The following ZNRF3 variants were observed in gnomAD, a reference collection of about 807,000 sequenced individuals.
ZNRF3 encodes the protein zinc and ring finger 3.
A neutral mutation model predicts 72.5 loss-of-function variants in ZNRF3; 23 were observed. The observed-to-expected ratio is 0.32, with a 90% CI of 0.23 to 0.45. The LOEUF (loss-of-function observed/expected upper bound fraction) is 0.45, where lower values mean the gene tolerates loss of function less well. Among genes scored for constraint, ZNRF3 ranks in the 20% least tolerant of loss-of-function variants. The probability of loss-of-function intolerance (pLI) is 1.00; values close to 1 mark genes in which losing one functional copy is unlikely to be tolerated. For missense variants in ZNRF3, 1,169 were observed against 1,272.1 expected (o/e 0.92, Z 1.23); for synonymous variants, 610 against 545.3 (o/e 1.12, Z -1.65).
intron 1 of ZNRF3, chr22:28,917,371 G>A (rs1406566645): frequency 1.0e-6 from 1 of 981,758 alleles, no homozygotes; most frequent in Non-Finnish European, 1.2e-6. Flanking sequence ...TCAGGAGGCT[G>A]TGTTGTCAGC....
At position 29,019,904 on chromosome 22, in the gene ZNRF3, C is replaced by T. The variant is rs916311552; in HGVS notation, c.427-22591C>T. On this transcript the variant is annotated intron_variant, in intron 2 of 8. Coordinates refer to ENST00000544604, the MANE Select transcript of ZNRF3 (RefSeq NM_001206998.2). ...GCCACTGGGCTCCCCTGACTGTAGG[C>T]AGCATTAGCAAGTATGCACCCCACC... Among the ~76,000 whole-genome samples, 37 of 152,226 alleles carry T rather than the reference C, an allele frequency of 2.4e-4. 1 individual carries two copies. Among genetic ancestry groups the T allele is most frequent in the African/African-American group, 8.9e-4 (37 of 41,540 alleles).
intron 2 of ZNRF3, among the ~76,000 whole-genome samples, chr22:29,005,554 T>A (rs1601654499): frequency 2.6e-5 from 4 of 152,316 alleles, no homozygotes; most frequent in African/African-American, 9.6e-5. Flanking sequence ...AGAATGGAAT[T>A]GAAGAACTTA....
chr22:28,904,472 G>A (rs1321966446), intron 1 of ZNRF3, among the ~76,000 whole-genome samples: 2 of 152,212 alleles, frequency 1.3e-5, no homozygotes, highest in Non-Finnish European at 2.9e-5. Context: ...CTCACATGTT[G>A]AAGCTGGCAG....
At chr22:29,025,411 C>G (rs2036613971) in intron 2 of ZNRF3, 1 of 152,212 alleles carries the variant, frequency 6.6e-6, no homozygotes, top group African/African-American at 2.4e-5. Flanking sequence ...TCCATGAAGT[C>G]TTTCCTGACC....
chr22:29,027,567 G>A (rs1413054587), intron 2 of ZNRF3, among the ~76,000 whole-genome samples: 1 of 151,934 alleles, frequency 6.6e-6, no homozygotes, highest in African/African-American at 2.4e-5. Flanking sequence ...TATTTAATAA[G>A]CTCCCCCAGG....
intron 1 of ZNRF3, among the ~76,000 whole-genome samples, chr22:28,920,153 A>C (rs1354099566): frequency 1.3e-5 from 2 of 150,260 alleles, no homozygotes; most frequent in African/African-American, 4.9e-5. Flanking sequence ...TTTGGTAGAA[A>C]CGGGGTTTCA....
At chr22:28,886,354 G>A (rs763688492) in intron 1 of ZNRF3, among the ~76,000 whole-genome samples, 5 of 152,172 alleles carry the variant, frequency 3.3e-5, no homozygotes, top group Non-Finnish European at 5.9e-5. Context: ...AAATGAGAAA[G>A]CAGAAGGAAT....
At chr22:28,986,723 A>G (rs2035860332) in intron 1 of ZNRF3, 1 of 856,720 alleles carries the variant, frequency 1.2e-6, no homozygotes, top group Non-Finnish European at 1.4e-6. Context: ...TGTAATTGCT[A>G]CTTAGTGTTA....
At chr22:28,889,457 T>C (rs1168446121) in intron 1 of ZNRF3, among the ~76,000 whole-genome samples, 2 of 152,216 alleles carry the variant, frequency 1.3e-5, no homozygotes, top group Non-Finnish European at 2.9e-5. Context: ...ACAAGAGTTG[T>C]ACGGAAGTCT....
At chr22:28,945,432 C>T (rs2035036045) in intron 1 of ZNRF3, among the ~76,000 whole-genome samples, 1 of 151,980 alleles carries the variant, frequency 6.6e-6, no homozygotes, top group African/African-American at 2.4e-5. Context: ...TGGCTCACAC[C>T]TGTAATCCCA....
At chr22:29,006,352 T>TA in intron 2 of ZNRF3, among the ~76,000 whole-genome samples, 1 of 152,002 alleles carries the variant, frequency 6.6e-6, no homozygotes, top group Admixed American at 6.6e-5. Flanking sequence ...TAGCTGGACT[T>TA]ACAGGCGTGT....
intron 1 of ZNRF3, among the ~76,000 whole-genome samples, chr22:28,943,128 A>G (rs1601587097): frequency 1.3e-5 from 2 of 152,182 alleles, no homozygotes; most frequent in Admixed American, 1.3e-4. Flanking sequence ...ACCAGGTTTT[A>G]TGTTCCACTG....
At chr22:28,895,342 C>G (rs16986810) in intron 1 of ZNRF3, among the ~76,000 whole-genome samples, 4,932 of 152,300 alleles carry the variant, frequency 0.032, 236 homozygotes, top group East Asian at 0.25. Flanking sequence ...CATGGTTTCT[C>G]AACTCTGAGA....
chr22:28,899,361 A>G (rs2123751030), intron 1 of ZNRF3, among the ~76,000 whole-genome samples: 1 of 152,284 alleles, frequency 6.6e-6, no homozygotes, highest in East Asian at 1.9e-4. Context: ...TTCTATACGA[A>G]TGTGGTGGTT....
chr22:28,966,686 AT>A (rs947212160), intron 1 of ZNRF3, among the ~76,000 whole-genome samples: 2 of 151,954 alleles, frequency 1.3e-5, no homozygotes, highest in Non-Finnish European at 2.9e-5. Context: ...ATATAAAGAA[AT>A]TTTTTTACAG....
intron 1 of ZNRF3, among the ~76,000 whole-genome samples, chr22:28,892,356 A>G (rs1004158020): frequency 6.6e-6 from 1 of 152,220 alleles, no homozygotes; most frequent in South Asian, 2.1e-4. Flanking sequence ...GAAACAGCCT[A>G]TAGGATACTG....
At position 29,049,500 on chromosome 22, in the gene ZNRF3, A is replaced by G; in HGVS notation, c.1319A>G (p.Tyr440Cys). 1 of 1,604,224 alleles carries G rather than the reference A, an allele frequency of 6.2e-7. No homozygotes were observed. Among genetic ancestry groups the G allele is most frequent in the East Asian group, 2.2e-5 (1 of 44,800 alleles). ...CGCTGCGGCCTGGAGCACCGGGCCT[A>G]CTCCCCAGCCCACCCCTTCCGCAGG... ...AHRCGLEHRA[Y>C]SPAHPFRRPK... The change falls in exon 8 of 9, where the codon TAC (tyrosine) becomes TGC (cysteine). Residue 440 changes from tyrosine to cysteine, a missense_variant. This residue lies in a region of ZNRF3 where 783 missense variants were observed against 731.4 expected (regional missense o/e 1.07). Coordinates refer to ENST00000544604, the MANE Select transcript of ZNRF3 (RefSeq NM_001206998.2). This position sits in a 1 kb window ranked among gnomAD's most constrained non-coding sequence, Gnocchi z 5.2.
chr22:28,894,013 G>A (rs1031037865), intron 1 of ZNRF3, among the ~76,000 whole-genome samples: 11 of 152,078 alleles, frequency 7.2e-5, no homozygotes, highest in Non-Finnish European at 1.3e-4. Flanking sequence ...GTGCAGTGGC[G>A]CAATCTTTCT....
chr22:28,958,419 A>G (rs1260884611), intron 1 of ZNRF3, among the ~76,000 whole-genome samples: 4 of 151,950 alleles, frequency 2.6e-5, no homozygotes, highest in African/African-American at 7.3e-5. Flanking sequence ...AAGGTATATG[A>G]TACAGTGATT....
Sources: allele counts gnomAD v4.1 joint callset (sites outside exome capture counted in the v4.1 genomes callset), GRCh38; gene constraint gnomAD v4.1.1; regional missense constraint gnomAD v4.1.1; non-coding constraint Gnocchi (gnomAD v3.1); transcripts MANE v1.5; gene names NCBI Gene and HGNC (gene_info 2026-07-23, HGNC 2026-07-21).